KY: variants seen among roughly 807,000 people sequenced by gnomAD.
The protein encoded by KY is kyphoscoliosis peptidase.
In KY, 43 loss-of-function variants were observed where a neutral mutation model predicts 76.1. That is an observed-to-expected ratio of 0.57 (90% confidence interval 0.44 to 0.73). KY has a LOEUF of 0.73. Among genes scored for constraint, KY ranks in the 30% least tolerant of loss-of-function variants. The pLI is 0.00. For synonymous variants in KY, 277 were observed against 326.2 expected (o/e 0.85, Z 1.63); for missense variants, 722 against 828.9 (o/e 0.87, Z 1.58).
chr3:134,623,602 C>T (rs1473267412), intron 6 of KY, among the ~76,000 whole-genome samples: 1 of 151,290 alleles, frequency 6.6e-6, no homozygotes, highest in African/African-American at 2.4e-5. Flanking sequence ...CATGTCTAGC[C>T]TCCCCGTCTC....
At chr3:134,638,818 C>T (rs988949933) in intron 3 of KY, among the ~76,000 whole-genome samples, 2 of 152,200 alleles carry the variant, frequency 1.3e-5, no homozygotes, top group Admixed American at 6.5e-5. Context: ...GAACACCTAA[C>T]GCAGTATGGC....
rs140330777 is a variant in KY, at chr3:134,604,927, G to T, written c.1091-453C>A. Among the ~76,000 whole-genome samples, 77 of 152,270 alleles carry T rather than the reference G, an allele frequency of 5.1e-4. 1 individual carries two copies. In the East Asian group the frequency reaches 0.014, roughly 28 times the overall value. ...TAAGTGTCAATGCTGTCATGTCAAC[G>T]CATTGTCCTTAAAACTAGTGAGAAT... On this transcript the variant is annotated intron_variant, in intron 10 of 10. Transcript: ENST00000423778.
chr3:134,604,209 C>A lies in KY; in HGVS notation c.1356G>T (p.Val452=), dbSNP rs1229825399. 6.2e-7 allele frequency: 1 copy of A among 1,612,886 alleles called. No homozygotes were observed. The highest frequency in any genetic ancestry group is 1.7e-5 in the Admixed American group (1 of 59,866). ...TCTGCTCCGAGAACCAGCTGGGGCC[C>A]ACGGGCTGGTGAAGCTCAGCAGGCA... The part of the protein sequence containing the change: ...VQLPAELHQP[V]GPSWFSEQMG... Residue 452 remains valine, a synonymous_variant, in exon 11 of 11, where the codon GTG becomes GTT. Coordinates refer to ENST00000423778, the MANE Select transcript of KY (RefSeq NM_178554.6).
At chr3:134,607,233 T>C (rs557963614) in intron 10 of KY, 2 of 985,468 alleles carry the variant, frequency 2.0e-6, no homozygotes, top group East Asian at 1.1e-4. Context: ...CACGCTGTTA[T>C]TTTAGCTGCA....
At chr3:134,622,696 T>A (rs1247236827) in intron 6 of KY, among the ~76,000 whole-genome samples, 1 of 152,104 alleles carries the variant, frequency 6.6e-6, no homozygotes, top group Non-Finnish European at 1.5e-5. Context: ...TATTTTATGA[T>A]AAAAAAAGAA....
intron 8 of KY, among the ~76,000 whole-genome samples, chr3:134,614,199 C>T (rs750507442): frequency 2.5e-4 from 38 of 152,176 alleles, no homozygotes; most frequent in Non-Finnish European, 4.0e-4. Flanking sequence ...TGAGAGAGCA[C>T]GGAAGGAGGG....
At chr3:134,619,070 G>T in intron 8 of KY, 78 bp downstream of exon 8, 1 of 1,217,380 alleles carries the variant, frequency 8.2e-7, no homozygotes, top group Non-Finnish European at 1.2e-6. Context: ...CCTGGCATGT[G>T]GGCAAAGGCA....
At position 134,601,917 on chromosome 3, in the gene KY, C is replaced by T. The variant is rs1307964679; in HGVS notation, c.*1662G>A. Among the ~76,000 whole-genome samples the T allele has an allele frequency of 6.6e-5, 10 of 152,240 alleles. No homozygotes were observed. Among genetic ancestry groups the T allele is most frequent in the Non-Finnish European group, 1.3e-4 (9 of 68,040 alleles). On this transcript the variant is annotated 3_prime_UTR_variant, in exon 11 of 11. Transcript: ENST00000423778. ...CTGCTGCTGCCTGGCAGTTTCCTCA[C>T]CCTGTACTCTGGATGGCAGGGGCCG... is the stretch of plus-strand genomic sequence containing the variant.
intron 3 of KY, among the ~76,000 whole-genome samples, chr3:134,634,485 A>T (rs1242251890): frequency 2.0e-5 from 3 of 152,248 alleles, no homozygotes; most frequent in Non-Finnish European, 4.4e-5. Flanking sequence ...AAGACAATTC[A>T]GTTGGAAAAA....
chr3:134,647,207 C>T (rs1458788267), intron 2 of KY, among the ~76,000 whole-genome samples: 1 of 152,206 alleles, frequency 6.6e-6, no homozygotes, highest in East Asian at 1.9e-4. Context: ...TGCTCAAGTT[C>T]CTGGCACTGC....
At chr3:134,629,419 G>A in intron 4 of KY, 1 of 556,562 alleles carries the variant, frequency 1.8e-6, no homozygotes, top group South Asian at 2.4e-5. Flanking sequence ...ACTAGTTCCA[G>A]AGATGCAAAA....
intron 3 of KY, among the ~76,000 whole-genome samples, chr3:134,636,029 T>C (rs1019175389): frequency 2.0e-5 from 3 of 152,244 alleles, no homozygotes; most frequent in Non-Finnish European, 4.4e-5. Flanking sequence ...CAATCCCTTT[T>C]TGTTGAATAT....
In KY at chr3:134,604,120, A is replaced by T; in HGVS notation, c.1445T>A (p.Ile482Asn). Residue 482 changes from isoleucine (I) to asparagine (N), a missense_variant, in exon 11 of 11, where the codon ATC becomes AAC. Transcript: ENST00000423778. Reference protein sequence around the residue: ...IIHTSDGRCSISFSVEEGINV... With the variant: ...IIHTSDGRCSNSFSVEEGINV... ...AATGCCCTCCTCCACGCTGAAGCTG[A>T]TGGAGCAGCGCCCGTCGCTGGTGTG... 6.2e-7 allele frequency: 1 copy of T among 1,610,432 alleles called. No individual in the cohort carries two copies. The highest frequency in any genetic ancestry group is 8.5e-7 in the Non-Finnish European group (1 of 1,178,156).
chr3:134,627,696 T>G, intron 5 of KY, 60 bp downstream of exon 5: 1 of 1,468,542 alleles, frequency 6.8e-7, no homozygotes, highest in Non-Finnish European at 9.5e-7. Context: ...TGGAGATTAG[T>G]CTATGAGGCT....
chr3:134,606,569 C>T (rs146952933), intron 10 of KY, among the ~76,000 whole-genome samples: 6 of 152,272 alleles, frequency 3.9e-5, no homozygotes, highest in East Asian at 3.9e-4. Flanking sequence ...CTTCAGGGAA[C>T]GTTCCACTGC....
In KY at chr3:134,602,129, G is replaced by A. The variant is rs1958994381; in HGVS notation, c.*1450C>T. 6.6e-6 allele frequency among the ~76,000 whole-genome samples: 1 copy of A among 152,186 alleles called. No homozygotes were observed. Among genetic ancestry groups the A allele is most frequent in the Non-Finnish European group, 1.5e-5 (1 of 68,020 alleles). The stretch of plus-strand genomic sequence containing the variant: ...GGTGCCAGGCAGTGCTGGCTCTCAG[G>A]GGTTGGGGGGCACTGAGACAGCCAG... On this transcript the variant is annotated 3_prime_UTR_variant, in exon 11 of 11. Transcript: ENST00000423778.
At chr3:134,634,133 C>T (rs1224939834) in intron 3 of KY, among the ~76,000 whole-genome samples, 1 of 152,132 alleles carries the variant, frequency 6.6e-6, no homozygotes, top group Admixed American at 6.5e-5. Flanking sequence ...GATGGGGAGA[C>T]ATACCATGTT....
At chr3:134,613,607 G>A (rs1375854071) in intron 8 of KY, among the ~76,000 whole-genome samples, 1 of 152,232 alleles carries the variant, frequency 6.6e-6, no homozygotes, top group Non-Finnish European at 1.5e-5. Flanking sequence ...TTCTCTGACA[G>A]GCTGAGGAGA....
chr3:134,627,849 T>A (rs1305417499), intron 4 of KY, 31 bp from the exon 5 acceptor site: 1 of 1,566,402 alleles, frequency 6.4e-7, no homozygotes, highest in Non-Finnish European at 8.8e-7. Context: ...GAAGTATAGA[T>A]ACTTCAGAAG....
Sources: gnomAD v4.1 joint callset for allele counts (sites outside exome capture counted in the v4.1 genomes callset) on GRCh38, gnomAD v4.1.1 for gene constraint, MANE v1.5 for transcripts, NCBI Gene and HGNC (gene_info 2026-07-23, HGNC 2026-07-21) for gene names.